BOK: variants seen among roughly 807,000 people sequenced by gnomAD.
The protein encoded by BOK is bcl-2-related ovarian killer protein.
BOK carries 20 observed loss-of-function variants against 18.3 expected under a neutral mutation model. The ratio of observed to expected loss-of-function variants is 1.09; its 90% CI spans 0.77 to 1.59. BOK has a LOEUF of 1.59. Among genes scored for constraint, BOK ranks in the 40% most tolerant of loss-of-function variants. BOK has a pLI of 0.00. For missense variants in BOK, 348 were observed against 307.9 expected, an observed-to-expected ratio of 1.13 and a Z score of -0.97; for synonymous variants, 173 against 142.4, an observed-to-expected ratio of 1.21 and a Z score of -1.53.
chr2:241,571,303 C>CGCTG (rs2066715151), intron 4 of BOK, among the ~76,000 whole-genome samples: 3 of 152,138 alleles, frequency 2.0e-5, no homozygotes, highest in Non-Finnish European at 2.9e-5. Context: ...TGCCCTGCTC[C>CGCTG]GGCCAGACCG....
chr2:241,568,942 GGCTAACTCCCTCCAGGGACCACT>G (rs1460107924), intron 3 of BOK, among the ~76,000 whole-genome samples: 6 of 152,070 alleles, frequency 3.9e-5, no homozygotes, highest in African/African-American at 1.5e-4. Flanking sequence ...AGTGTCCTCA[GGCTAACTCCCTCCAGGGACCACT>G]GCTGACTCCC....
chr2:241,553,781 T>C (rs1221864455), upstream of BOK, among the ~76,000 whole-genome samples: 2 of 152,154 alleles, frequency 1.3e-5, no homozygotes, highest in African/African-American at 4.8e-5. Flanking sequence ...ATCCAAGCTG[T>C]ATCACCCACA....
intron 3 of BOK, among the ~76,000 whole-genome samples, chr2:241,565,573 C>CT (rs2066597860): frequency 1.2e-5 from 1 of 86,714 alleles, no homozygotes; most frequent in African/African-American, 5.0e-5. Flanking sequence ...GCTCTGACCC[C>CT]CGGTCTTCCT....
intron 2 of BOK, among the ~76,000 whole-genome samples, chr2:241,561,715 G>A (rs1175713872): frequency 1.6e-5 from 2 of 123,210 alleles, no homozygotes; most frequent in Non-Finnish European, 3.5e-5. Context: ...AGGTGGGAGC[G>A]TGGCAGTGCG....
In BOK at chr2:241,573,216, G is replaced by GGAACACCTGCTCTCACCTGAGCCCCCA. The variant is rs2066752495; in HGVS notation, c.*795_*796insAACACCTGCTCTCACCTGAGCCCCCAG. 3 of 133,582 alleles carry GGAACACCTGCTCTCACCTGAGCCCCCA rather than the reference G, an allele frequency of 2.2e-5. No individual in the cohort carries two copies. The highest frequency in any genetic ancestry group is 7.3e-5 in the Admixed American group (1 of 13,660). 8.3% of individuals were successfully genotyped at this position (133,582 alleles called of 1,614,324 possible). ...AACACCTGCTCTCACCTGAGCCCCC[G>GGAACACCTGCTCTCACCTGAGCCCCCA]GTGAAGGGGCCCGGAACACTTGCTC... On this transcript the variant is annotated 3_prime_UTR_variant, in exon 5 of 5. Coordinates refer to ENST00000318407, the MANE Select transcript of BOK (RefSeq NM_032515.5).
intron 3 of BOK, among the ~76,000 whole-genome samples, chr2:241,566,331 CTT>C (rs1411989866): frequency 6.9e-6 from 1 of 144,368 alleles, no homozygotes; most frequent in Admixed American, 7.1e-5. Context: ...GAGTTTCACT[CTT>C]GTTGCCCAGG....
chr2:241,556,581 CAAAAA>C (rs55866928), upstream of BOK, among the ~76,000 whole-genome samples: 1 of 86,790 alleles, frequency 1.2e-5, no homozygotes, highest in South Asian at 4.6e-4. Context: ...GACTCCGTCT[CAAAAA>C]AAAAAAAAAA....
intron 3 of BOK, among the ~76,000 whole-genome samples, chr2:241,564,526 A>G (rs1243967668): frequency 1.5e-5 from 2 of 133,324 alleles, no homozygotes; most frequent in Non-Finnish European, 3.2e-5. Flanking sequence ...GGGGGTGCAT[A>G]TGGGTAGGGG....
rs113232060 is a variant in BOK at position 241,569,592 on chromosome 2, C to T, written c.350-533C>T. On this transcript the variant is annotated intron_variant, in intron 3 of 4. Transcript: ENST00000318407. The stretch of plus-strand genomic sequence containing the variant: ...TCTTTTTTGAAAGCCTCTCTTTTCT[C>T]GCTCACGTATAAGACGTCTTTCCGT... Among the ~76,000 whole-genome samples the T allele has an allele frequency of 5.6e-3, 849 of 152,278 alleles. 12 individuals are homozygous for T. Among genetic ancestry groups the T allele is most frequent in the African/African-American group, 0.02 (825 of 41,558 alleles).
chr2:241,563,340 T>C (rs1413600048), intron 3 of BOK, among the ~76,000 whole-genome samples: 1 of 152,214 alleles, frequency 6.6e-6, no homozygotes, highest in Non-Finnish European at 1.5e-5. Flanking sequence ...CCCCCTGCCT[T>C]TGACCTCTGT....
At chr2:241,559,265 G>T (rs1321942765) in intron 1 of BOK, among the ~76,000 whole-genome samples, 190 bp from the exon 2 acceptor site, 3 of 151,748 alleles carry the variant, frequency 2.0e-5, no homozygotes, top group African/African-American at 4.8e-5. Context: ...CAGCCTCGGG[G>T]AATGTCTGTA....
At chr2:241,564,747 C>T (rs1271625077) in intron 3 of BOK, among the ~76,000 whole-genome samples, 2 of 152,174 alleles carry the variant, frequency 1.3e-5, no homozygotes, top group Non-Finnish European at 2.9e-5. Context: ...CTGACGACCA[C>T]TCTCAGCCCT....
In BOK at chr2:241,559,552, A is replaced by C. The variant is rs567087852; in HGVS notation, c.69A>C (p.Thr23=). Reference sequence around the variant, plus strand: ...TGGACGCCTTTGACCGCTCGCCCACAGACAAGGAGCTGGTGGCCCAGGCCA... The same window carrying C: ...TGGACGCCTTTGACCGCTCGCCCACCGACAAGGAGCTGGTGGCCCAGGCCA... ...EIMDAFDRSP[T]DKELVAQAKA... The change falls in exon 2 of 5, where the codon ACA becomes ACC. Residue 23 remains threonine, a synonymous_variant. Coordinates refer to ENST00000318407, the MANE Select transcript of BOK (RefSeq NM_032515.5). The C allele has an allele frequency of 3.3e-6, 5 of 1,527,712 alleles. No homozygotes were observed. In the East Asian group the frequency reaches 1.3e-4, roughly 41 times the overall value. 94.6% of individuals were successfully genotyped at this position (1,527,712 alleles called of 1,614,324 possible).
At chr2:241,560,251 C>T in intron 2 of BOK, 1 of 985,460 alleles carries the variant, frequency 1.0e-6, no homozygotes, top group Non-Finnish European at 1.2e-6. Flanking sequence ...CTGGCTGCCC[C>T]CACCGTCTCC....
upstream of BOK, among the ~76,000 whole-genome samples, chr2:241,558,026 GAAAT>G (rs2066467129): frequency 1.0e-5 from 1 of 98,066 alleles, no homozygotes; most frequent in African/African-American, 3.9e-5. Flanking sequence ...CAAGGATAAA[GAAAT>G]AAACCAGTGG....
At chr2:241,566,380 C>T (rs1030386716) in intron 3 of BOK, among the ~76,000 whole-genome samples, 1 of 150,196 alleles carries the variant, frequency 6.7e-6, no homozygotes, top group Non-Finnish European at 1.5e-5. Flanking sequence ...CTCACTGCAA[C>T]CTCCATTTCC....
At chr2:241,558,258 G>A (rs1003610590), upstream of BOK, among the ~76,000 whole-genome samples, 3 of 152,024 alleles carry the variant, frequency 2.0e-5, no homozygotes, top group Admixed American at 1.3e-4. Flanking sequence ...CTAAATATGA[G>A]CCCTAAAACA....
chr2:241,564,744 C>T (rs2066584227), intron 3 of BOK, among the ~76,000 whole-genome samples: 1 of 152,184 alleles, frequency 6.6e-6, no homozygotes, highest in African/African-American at 2.4e-5. Flanking sequence ...GGGCTGACGA[C>T]CACTCTCAGC....
intron 1 of BOK, among the ~76,000 whole-genome samples, chr2:241,552,264 C>T (rs991356899): frequency 2.0e-5 from 3 of 152,194 alleles, no homozygotes; most frequent in African/African-American, 7.2e-5. Flanking sequence ...CCACCAGAGA[C>T]ACCAGGCTCT....
Sources: allele counts gnomAD v4.1 joint callset (sites outside exome capture counted in the v4.1 genomes callset), GRCh38; gene constraint gnomAD v4.1.1; transcripts MANE v1.5; gene names NCBI Gene and HGNC (gene_info 2026-07-23, HGNC 2026-07-21).